EFR3B: variants seen among roughly 807,000 people sequenced by gnomAD.
EFR3B encodes the protein EFR3 homolog B.
A neutral mutation model predicts 104.7 loss-of-function variants in EFR3B; 64 were observed. The ratio of observed to expected loss-of-function variants is 0.61; its 90% CI spans 0.50 to 0.75. The LOEUF (loss-of-function observed/expected upper bound fraction) is 0.75, where lower values mean the gene tolerates loss of function less well. Among genes scored for constraint, EFR3B ranks in the 30% least tolerant of loss-of-function variants. EFR3B has a pLI of 0.00. For synonymous variants in EFR3B, 385 were observed against 417.9 expected, an observed-to-expected ratio of 0.92 and a Z score of 0.96; for missense variants, 750 against 1,078.5, an observed-to-expected ratio of 0.70 and a Z score of 4.27.
At chr2:25,074,069 G>T (rs986002255) in intron 1 of EFR3B, among the ~76,000 whole-genome samples, 14 of 152,124 alleles carry the variant, frequency 9.2e-5, no homozygotes, top group Non-Finnish European at 1.5e-4. Flanking sequence ...TGGCACAGTG[G>T]GGGGGACTCA....
At chr2:25,134,543 C>G (rs1670469723) in intron 12 of EFR3B, among the ~76,000 whole-genome samples, 1 of 152,112 alleles carries the variant, frequency 6.6e-6, no homozygotes, top group Non-Finnish European at 1.5e-5. Context: ...GTCCCCTCTC[C>G]CTCCCTAGAC....
intron 1 of EFR3B, among the ~76,000 whole-genome samples, chr2:25,072,122 G>C (rs1668515155): frequency 6.6e-6 from 1 of 152,206 alleles, no homozygotes; most frequent in Non-Finnish European, 1.5e-5. Context: ...AGCTCCGGGA[G>C]TGGGGTCCCC....
chr2:25,108,938 G>A lies in EFR3B; in HGVS notation c.363+5151G>A, dbSNP rs575292654. 5.9e-5 allele frequency among the ~76,000 whole-genome samples: 9 copies of A among 152,102 alleles called. No homozygotes were observed. The South Asian group carries it at 8.3e-4, about 14-fold the overall frequency. ...GGAGAATTGCTTGAACCCAGGAGGC[G>A]AAGGTTGCAGTGAGCCGAGATCGCT... is the stretch of plus-strand genomic sequence containing the variant. On this transcript the variant is annotated intron_variant, in intron 4 of 22. Coordinates refer to ENST00000403714, the MANE Select transcript of EFR3B (RefSeq NM_014971.2).
At chr2:25,092,638 C>T (rs553584676) in intron 2 of EFR3B, among the ~76,000 whole-genome samples, 82 of 150,524 alleles carry the variant, frequency 5.4e-4, no homozygotes, top group African/African-American at 2.0e-3. Flanking sequence ...AACCTCCGCT[C>T]CCCGGGTTCA....
chr2:25,098,090 G>T (rs978305870), intron 3 of EFR3B, among the ~76,000 whole-genome samples: 1 of 152,076 alleles, frequency 6.6e-6, no homozygotes, highest in African/African-American at 2.4e-5. Flanking sequence ...TTGAGATAGG[G>T]ATACCGCAGA....
chr2:25,141,815 A>G (rs1454903472), intron 17 of EFR3B, among the ~76,000 whole-genome samples: 1 of 152,222 alleles, frequency 6.6e-6, no homozygotes, highest in African/African-American at 2.4e-5. Flanking sequence ...AACTCAAGGG[A>G]AAGATGTTTT....
chr2:25,130,467 G>T lies in EFR3B; in HGVS notation c.771-85G>T. ...GAACTGTGCGAGGGGCTCTGAGAAG[G>T]TGTCCCTCTGCCTCCAAGCTAATCT... is the stretch of plus-strand genomic sequence containing the variant. On this transcript the variant is annotated intron_variant, in intron 7 of 22. Coordinates refer to ENST00000403714, the MANE Select transcript of EFR3B (RefSeq NM_014971.2). The surrounding 1 kb of genome is among the most constrained non-coding windows in gnomAD (Gnocchi z 4.6). 8.4e-7 allele frequency: 1 copy of T among 1,192,282 alleles called. No homozygotes were observed. The highest frequency in any genetic ancestry group is 1.2e-6 in the Non-Finnish European group (1 of 819,328). 73.9% of individuals were successfully genotyped at this position (1,192,282 alleles called of 1,614,324 possible).
At chr2:25,064,811 T>A (rs1668286783) in intron 1 of EFR3B, among the ~76,000 whole-genome samples, 1 of 152,250 alleles carries the variant, frequency 6.6e-6, no homozygotes, top group Non-Finnish European at 1.5e-5. Context: ...ACAAAGCACT[T>A]CCTTCCAAAA....
At chr2:25,138,784 C>A (rs1245229070) in intron 15 of EFR3B, among the ~76,000 whole-genome samples, 1 of 152,206 alleles carries the variant, frequency 6.6e-6, no homozygotes, top group African/African-American at 2.4e-5. Flanking sequence ...GTCGCCACAG[C>A]TGGAACTGCA....
Position 25,133,335 on chromosome 2 carries a change from C to T in EFR3B, c.1260-48C>T, listed in dbSNP as rs1027006581. 7 of 1,531,128 alleles carry T rather than the reference C, an allele frequency of 4.6e-6. No individual in the cohort carries two copies. In the African/African-American group the frequency reaches 5.5e-5, roughly 12 times the overall value. 94.8% of individuals were successfully genotyped at this position (1,531,128 alleles called of 1,614,324 possible). A position where few individuals can be genotyped will look rare whatever the true frequency, so the allele number is the denominator to read the frequency against. ...AGAACTAAGCTGGCAAGTGTGTGACCTCTGCCCTATTACCATCCTGGTGAG... is the reference window on the plus strand; with the variant it reads ...AGAACTAAGCTGGCAAGTGTGTGACTTCTGCCCTATTACCATCCTGGTGAG... On this transcript the variant is annotated intron_variant, in intron 11 of 22. Coordinates refer to ENST00000403714, the MANE Select transcript of EFR3B (RefSeq NM_014971.2).
chr2:25,094,983 G>A (rs1030250947), intron 3 of EFR3B, among the ~76,000 whole-genome samples: 4 of 151,862 alleles, frequency 2.6e-5, no homozygotes, highest in Non-Finnish European at 5.9e-5. Context: ...TAGAAATGGA[G>A]TTTCACCATG....
At chr2:25,148,420 A>G (rs1670893687) in intron 19 of EFR3B, among the ~76,000 whole-genome samples, 1 of 151,574 alleles carries the variant, frequency 6.6e-6, no homozygotes, top group Non-Finnish European at 1.5e-5. Context: ...ATGCCTGGCT[A>G]GTTTTTGCAT....
At chr2:25,104,272 G>A (rs1158452255) in intron 4 of EFR3B, among the ~76,000 whole-genome samples, 2 of 152,148 alleles carry the variant, frequency 1.3e-5, no homozygotes, top group Non-Finnish European at 2.9e-5. Context: ...GGGAGGCTGA[G>A]GCAGGAAAAT....
chr2:25,062,008 G>A (rs755067889), intron 1 of EFR3B, among the ~76,000 whole-genome samples: 11 of 151,940 alleles, frequency 7.2e-5, no homozygotes, highest in Non-Finnish European at 1.5e-4. Flanking sequence ...CACCTTATAG[G>A]CAGTGTAAGC....
intron 1 of EFR3B, among the ~76,000 whole-genome samples, chr2:25,086,344 T>C (rs988659703): frequency 6.6e-6 from 1 of 152,202 alleles, no homozygotes; most frequent in Non-Finnish European, 1.5e-5. Context: ...TGCCAAACTG[T>C]CTTCCAAAGT....
rs559602966 is a variant in EFR3B at position 25,135,096 on chromosome 2, A to G, written c.1312-371A>G. Among the ~76,000 whole-genome samples, 4 of 152,270 alleles carry G rather than the reference A, an allele frequency of 2.6e-5. No homozygotes were observed. In the East Asian group the frequency reaches 7.7e-4, roughly 29 times the overall value. On this transcript the variant is annotated intron_variant, in intron 12 of 22. Transcript: ENST00000403714. Reference sequence around the variant, plus strand: ...CACTGTCTCGTTCTTTGTGATGGTCATACTCTTAATGAGGCATTGTGTTCC... The same window carrying G: ...CACTGTCTCGTTCTTTGTGATGGTCGTACTCTTAATGAGGCATTGTGTTCC...
At chr2:25,133,517 C>T in intron 12 of EFR3B, 83 bp downstream of exon 12, 8 of 1,384,416 alleles carry the variant, frequency 5.8e-6, no homozygotes, top group Admixed American at 2.0e-5. Flanking sequence ...CCTCCACATA[C>T]AGTCGTGCAT....
rs1186609886 is a variant in EFR3B, at chr2:25,136,490, A to G, written c.1485-33A>G. ...TGTGAGCTCAGGCTGGCCTCATGCAAGGGCTAAGGAGGCCCTTTGCATCCC... is the reference window on the plus strand; with the variant it reads ...TGTGAGCTCAGGCTGGCCTCATGCAGGGGCTAAGGAGGCCCTTTGCATCCC... On this transcript the variant is annotated intron_variant, in intron 13 of 22. Coordinates refer to ENST00000403714, the MANE Select transcript of EFR3B (RefSeq NM_014971.2). The surrounding 1 kb of genome is among the most constrained non-coding windows in gnomAD (Gnocchi z 4.0). 6.5e-7 allele frequency: 1 copy of G among 1,532,652 alleles called. No individual in the cohort carries two copies. Among genetic ancestry groups the G allele is most frequent in the South Asian group, 1.2e-5 (1 of 83,672 alleles). 94.9% of individuals were successfully genotyped at this position (1,532,652 alleles called of 1,614,324 possible).
chr2:25,120,411 T>C (rs1294133734), intron 4 of EFR3B, among the ~76,000 whole-genome samples: 3 of 151,924 alleles, frequency 2.0e-5, no homozygotes, highest in South Asian at 2.1e-4. Flanking sequence ...TTTGGGAGGC[T>C]GAGGCGGGCG....
Sources: allele counts gnomAD v4.1 joint callset (sites outside exome capture counted in the v4.1 genomes callset), GRCh38; gene constraint gnomAD v4.1.1; non-coding constraint Gnocchi (gnomAD v3.1); transcripts MANE v1.5; gene names NCBI Gene and HGNC (gene_info 2026-07-23, HGNC 2026-07-21).